The following PPP1R16B variants were observed in gnomAD, a reference collection of about 807,000 sequenced individuals.
PPP1R16B encodes protein phosphatase 1 regulatory inhibitor subunit 16B.
PPP1R16B carries 14 observed loss-of-function variants against 61.7 expected under a neutral mutation model. The observed-to-expected ratio is 0.23, with a 90% CI of 0.15 to 0.35. The LOEUF (loss-of-function observed/expected upper bound fraction) is 0.35. PPP1R16B is among the 10% of genes least tolerant of loss of function. The probability of loss-of-function intolerance (pLI) is 1.00; values close to 1 mark genes in which losing one functional copy is unlikely to be tolerated. For synonymous variants in PPP1R16B, 266 were observed against 305.3 expected (o/e 0.87, Z 1.34); for missense variants, 547 against 752.5 (o/e 0.73, Z 3.19).
At chr20:38,908,968 CGT>C (rs373782872) in intron 10 of PPP1R16B, among the ~76,000 whole-genome samples, 2 of 151,988 alleles carry the variant, frequency 1.3e-5, no homozygotes, top group Admixed American at 6.5e-5. Flanking sequence ...CCTTTTTCTT[CGT>C]GTGTGTGTGT....
At chr20:38,865,609 C>G (rs958251927) in intron 2 of PPP1R16B, among the ~76,000 whole-genome samples, 1 of 152,162 alleles carries the variant, frequency 6.6e-6, no homozygotes, top group Non-Finnish European at 1.5e-5. Context: ...TCTTTAGATG[C>G]GTCACCTGGT....
chr20:38,819,786 T>A (rs2084761262), intron 1 of PPP1R16B, among the ~76,000 whole-genome samples: 1 of 148,086 alleles, frequency 6.8e-6, no homozygotes, highest in Non-Finnish European at 1.5e-5. Context: ...GAGCAGTATT[T>A]AAAAAAAAAA....
At chr20:38,818,178 G>A (rs1016859080) in intron 1 of PPP1R16B, among the ~76,000 whole-genome samples, 1 of 152,206 alleles carries the variant, frequency 6.6e-6, no homozygotes, top group African/African-American at 2.4e-5. Flanking sequence ...TGTGACTTTG[G>A]GCGTGTCAAG....
chr20:38,886,106 C>T (rs1011197651), intron 2 of PPP1R16B, among the ~76,000 whole-genome samples: 3 of 152,142 alleles, frequency 2.0e-5, no homozygotes, highest in Non-Finnish European at 4.4e-5. Context: ...TAATAATTTT[C>T]TTACTGAACT....
intron 2 of PPP1R16B, among the ~76,000 whole-genome samples, chr20:38,866,822 G>C (rs1236456650): frequency 6.6e-6 from 1 of 152,158 alleles, no homozygotes; most frequent in Non-Finnish European, 1.5e-5. Context: ...TGGCATTTAA[G>C]TACCTTCACA....
intron 2 of PPP1R16B, among the ~76,000 whole-genome samples, chr20:38,866,851 C>T (rs1275513603): frequency 6.6e-6 from 1 of 152,176 alleles, no homozygotes; most frequent in Non-Finnish European, 1.5e-5. Flanking sequence ...CAGTCATCAC[C>T]TCTGCTTAGT....
chr20:38,829,748 C>CTA (rs2084825566), intron 1 of PPP1R16B, among the ~76,000 whole-genome samples: 1 of 152,234 alleles, frequency 6.6e-6, no homozygotes, highest in Non-Finnish European at 1.5e-5. Context: ...CACCCCGCTG[C>CTA]TGTGTTTGCA....
At chr20:38,910,353 A>G (rs2085478368) in intron 10 of PPP1R16B, among the ~76,000 whole-genome samples, 1 of 152,030 alleles carries the variant, frequency 6.6e-6, no homozygotes, top group Non-Finnish European at 1.5e-5. Context: ...TTCATAGAGC[A>G]TTTTCATCAT....
At chr20:38,847,117 T>C (rs764006717) in intron 2 of PPP1R16B, among the ~76,000 whole-genome samples, 1 of 152,262 alleles carries the variant, frequency 6.6e-6, no homozygotes, top group Non-Finnish European at 1.5e-5. Context: ...AACCACTCAT[T>C]TGACTACCAG....
At chr20:38,847,831 G>T (rs888415681) in intron 2 of PPP1R16B, among the ~76,000 whole-genome samples, 4 of 152,162 alleles carry the variant, frequency 2.6e-5, no homozygotes, top group Non-Finnish European at 4.4e-5. Context: ...TCTGCAGTGC[G>T]TGTATGTGTT....
chr20:38,855,771 C>A (rs987760733), intron 2 of PPP1R16B, among the ~76,000 whole-genome samples: 2 of 151,642 alleles, frequency 1.3e-5, no homozygotes, highest in African/African-American at 4.9e-5. Flanking sequence ...AGACTCCTGG[C>A]AGTGCTCCAA....
chr20:38,820,213 T>C (rs370848607), intron 1 of PPP1R16B, among the ~76,000 whole-genome samples: 2 of 152,244 alleles, frequency 1.3e-5, no homozygotes, highest in Non-Finnish European at 1.5e-5. Flanking sequence ...ACTTTGCGTC[T>C]ATTAGAAATA....
intron 7 of PPP1R16B, among the ~76,000 whole-genome samples, 194 bp downstream of exon 7, chr20:38,906,288 T>TG (rs1341570192): frequency 1.1e-4 from 13 of 117,284 alleles, no homozygotes; most frequent in Non-Finnish European, 2.2e-4. Context: ...GTTGTGTTTT[T>TG]TTTTTTTTTT....
Position 38,890,212 on chromosome 20 carries a change from A to T in PPP1R16B, c.321+547A>T, listed in dbSNP as rs192006312. Among the ~76,000 whole-genome samples the T allele has an allele frequency of 5.6e-3, 847 of 152,322 alleles. 1 individual carries two copies. Among genetic ancestry groups the T allele is most frequent in the Non-Finnish European group, 9.7e-3 (659 of 68,032 alleles). ...TACAGCCTCGTAACTGGTCCCCAGC[A>T]TTCAGTCTGGCTCTGCCATAATTCT... is the stretch of plus-strand genomic sequence containing the variant. On this transcript the variant is annotated intron_variant, in intron 3 of 10. Coordinates refer to ENST00000299824, the MANE Select transcript of PPP1R16B (RefSeq NM_015568.4).
intron 1 of PPP1R16B, among the ~76,000 whole-genome samples, chr20:38,817,094 A>T (rs2084740607): frequency 6.6e-6 from 1 of 152,206 alleles, no homozygotes; most frequent in Non-Finnish European, 1.5e-5. Context: ...AAGGTGAACA[A>T]TACATATCCC....
Position 38,832,343 on chromosome 20 carries a change from T to C in PPP1R16B, c.-101-3482T>C, listed in dbSNP as rs376900823. ...TCAGGGCTCGTCACAGAGCAGGACT[T>C]CATTAAATGTTTACTCACTCGAGGA... On this transcript the variant is annotated intron_variant, in intron 1 of 10. Transcript: ENST00000299824. Among the ~76,000 whole-genome samples the C allele has an allele frequency of 1.2e-4, 18 of 152,304 alleles. No individual in the cohort carries two copies. The South Asian group carries it at 3.7e-3, about 32-fold the overall frequency.
At chr20:38,863,007 C>G (rs1468640403) in intron 2 of PPP1R16B, among the ~76,000 whole-genome samples, 1 of 152,208 alleles carries the variant, frequency 6.6e-6, no homozygotes, top group Non-Finnish European at 1.5e-5. Flanking sequence ...TACAATGGTC[C>G]CCCTACTTAG....
Position 38,908,201 on chromosome 20 carries a change from G to T in PPP1R16B, c.1194+8G>T. 2 of 1,614,118 alleles carry T rather than the reference G, an allele frequency of 1.2e-6. No homozygotes were observed. The highest frequency in any genetic ancestry group is 1.7e-6 in the Non-Finnish European group (2 of 1,179,986). ...CAAGAGAATAAGGACCCTGTGAGTG[G>T]CCTCACGCCCTGCCCTAGTGTCAGC... On this transcript the variant is annotated splice_region_variant and intron_variant, in intron 10 of 10. Coordinates refer to ENST00000299824, the MANE Select transcript of PPP1R16B (RefSeq NM_015568.4).
chr20:38,870,328 A>G (rs891896092), intron 2 of PPP1R16B, among the ~76,000 whole-genome samples: 4 of 152,166 alleles, frequency 2.6e-5, no homozygotes, highest in Admixed American at 2.0e-4. Context: ...GGGTTTATAA[A>G]CTATAGGGGG....
Sources: allele counts gnomAD v4.1 joint callset (sites outside exome capture counted in the v4.1 genomes callset), GRCh38; gene constraint gnomAD v4.1.1; transcripts MANE v1.5; gene names NCBI Gene and HGNC (gene_info 2026-07-23, HGNC 2026-07-21).